The following IL15RA variants were observed in gnomAD, a reference collection of about 807,000 sequenced individuals.
IL15RA encodes interleukin 15 receptor subunit alpha.
IL15RA carries 26 observed loss-of-function variants against 24.2 expected under a neutral mutation model. That is an observed-to-expected ratio of 1.07 (90% confidence interval 0.79 to 1.49). IL15RA has a LOEUF of 1.49. Ranked by LOEUF, IL15RA falls within the 40% of genes most tolerant of loss-of-function variation. IL15RA has a pLI of 0.00. For missense variants in IL15RA, 354 were observed against 356.4 expected (o/e 0.99, Z 0.05); for synonymous variants, 166 against 157.6 (o/e 1.05, Z -0.40).
rs947434579 is a variant in IL15RA at position 5,975,247 on chromosome 10, A to G, written c.88+2158T>C. Among the ~76,000 whole-genome samples the G allele has an allele frequency of 3.3e-5, 5 of 152,246 alleles. No individual in the cohort carries two copies. The highest frequency in any genetic ancestry group is 9.6e-5 in the African/African-American group (4 of 41,476). ...AGCCATGGGTAGAATACTACTACTC[A>G]ATGGTAGAAACTAATGAACTACTTA... On this transcript the variant is annotated intron_variant, in intron 1 of 6. Coordinates refer to ENST00000379977, the MANE Select transcript of IL15RA (RefSeq NM_002189.4). This position sits in a 1 kb window ranked among gnomAD's most constrained non-coding sequence, Gnocchi z 4.8.
Position 5,953,575 on chromosome 10 carries a change from A to G in IL15RA, c.693-369T>C, listed in dbSNP as rs1834101543. Among the ~76,000 whole-genome samples, 1 of 152,168 alleles carries G rather than the reference A, an allele frequency of 6.6e-6. No individual in the cohort carries two copies. The highest frequency in any genetic ancestry group is 1.5e-5 in the Non-Finnish European group (1 of 68,020). The stretch of plus-strand genomic sequence containing the variant: ...CAACCTCCCCATCCACCAAAGACTC[A>G]CCAAGTGCTGTTGGAGCAACTTACG... On this transcript the variant is annotated intron_variant, in intron 6 of 6. Transcript: ENST00000379977. This position sits in a 1 kb window ranked among gnomAD's most constrained non-coding sequence, Gnocchi z 5.3.
Position 5,971,444 on chromosome 10 carries a change from T to G in IL15RA, c.89-5105A>C, listed in dbSNP as rs1268868911. Reference sequence around the variant, plus strand: ...CACTTCCTTATCTATCAGGTTGGTTTACAGAGTCTAATAAGAGCTGGCAGC... The same window carrying G: ...CACTTCCTTATCTATCAGGTTGGTTGACAGAGTCTAATAAGAGCTGGCAGC... On this transcript the variant is annotated intron_variant, in intron 1 of 6. Transcript: ENST00000379977. The surrounding 1 kb of genome is among the most constrained non-coding windows in gnomAD (Gnocchi z 5.5). Among the ~76,000 whole-genome samples, 2 of 152,238 alleles carry G rather than the reference T, an allele frequency of 1.3e-5. No individual in the cohort carries two copies. The highest frequency in any genetic ancestry group is 2.9e-5 in the Non-Finnish European group (2 of 68,036).
chr10:5,960,671 C>A lies in IL15RA; in HGVS notation c.383-104G>T. ...AGCTGCCATAGTGAGTCACCCTGACCAGCCCTCCCTCTCTCACAGCCAACT... is the reference window on the plus strand; with the variant it reads ...AGCTGCCATAGTGAGTCACCCTGACAAGCCCTCCCTCTCTCACAGCCAACT... On this transcript the variant is annotated intron_variant, in intron 3 of 6. Coordinates refer to ENST00000379977, the MANE Select transcript of IL15RA (RefSeq NM_002189.4). This position sits in a 1 kb window ranked among gnomAD's most constrained non-coding sequence, Gnocchi z 5.1. 1.1e-6 allele frequency: 1 copy of A among 921,328 alleles called. No individual in the cohort carries two copies. Among genetic ancestry groups the A allele is most frequent in the Non-Finnish European group, 1.7e-6 (1 of 581,250 alleles). 57.1% of individuals were successfully genotyped at this position (921,328 alleles called of 1,614,324 possible).
At chr10:5,977,282 G>A in intron 1 of IL15RA, 123 bp downstream of exon 1, 1 of 415,154 alleles carries the variant, frequency 2.4e-6, no homozygotes, top group Non-Finnish European at 4.0e-6. Flanking sequence ...TGCGCGCACC[G>A]CGCTCCCGAG....
In IL15RA at chr10:5,955,962, G is replaced by C. The variant is rs8177721; in HGVS notation, c.692+417C>G. ...GGGGTGTGTGAGAGCCGATGGCCAGGAAAGGCGTCCTTCTTGGGAGGGGGC... is the reference window on the plus strand; with the variant it reads ...GGGGTGTGTGAGAGCCGATGGCCAGCAAAGGCGTCCTTCTTGGGAGGGGGC... On this transcript the variant is annotated intron_variant, in intron 6 of 6. Coordinates refer to ENST00000379977, the MANE Select transcript of IL15RA (RefSeq NM_002189.4). This position sits in a 1 kb window ranked among gnomAD's most constrained non-coding sequence, Gnocchi z 5.3. 6.6e-6 allele frequency among the ~76,000 whole-genome samples: 1 copy of C among 152,154 alleles called. No individual in the cohort carries two copies. Among genetic ancestry groups the C allele is most frequent in the African/African-American group, 2.4e-5 (1 of 41,434 alleles).
At position 5,959,756 on chromosome 10, in the gene IL15RA, G is replaced by C; in HGVS notation, c.614C>G (p.Thr205Ser). 1 of 1,613,374 alleles carries C rather than the reference G, an allele frequency of 6.2e-7. No homozygotes were observed. The highest frequency in any genetic ancestry group is 8.5e-7 in the Non-Finnish European group (1 of 1,179,444). ...GVYPQGHSDT[T>S]VAISTSTVLL... ...ACCGGACAAAGGGACACACTTACCAGTGGTGTCGCTGTGGCCCTGTGGATA... is the reference window on the plus strand; with the variant it reads ...ACCGGACAAAGGGACACACTTACCACTGGTGTCGCTGTGGCCCTGTGGATA... The change falls in exon 5 of 7, where the codon ACT (threonine) becomes AGT (serine). Residue 205 changes from threonine (T) to serine (S), a missense_variant and splice_region_variant. Thr to Ser is a moderately conservative substitution (Grantham distance 58). Coordinates refer to ENST00000379977, the MANE Select transcript of IL15RA (RefSeq NM_002189.4). The surrounding 1 kb of genome is among the most constrained non-coding windows in gnomAD (Gnocchi z 4.1).
rs1260051585 is a variant in IL15RA at position 5,952,641 on chromosome 10, C to G, written c.*454G>C. On this transcript the variant is annotated 3_prime_UTR_variant, in exon 7 of 7. Transcript: ENST00000379977. Reference sequence around the variant, plus strand: ...GACAGGGTGGTTAGAAGCCCAAACGCTGGTGTCTTCCCTGTAGACGTCTCC... The same window carrying G: ...GACAGGGTGGTTAGAAGCCCAAACGGTGGTGTCTTCCCTGTAGACGTCTCC... The G allele has an allele frequency of 5.7e-6, 1 of 175,964 alleles. No homozygotes were observed. Among genetic ancestry groups the G allele is most frequent in the Non-Finnish European group, 1.2e-5 (1 of 82,230 alleles). 10.9% of individuals were successfully genotyped at this position (175,964 alleles called of 1,614,324 possible). A position where few individuals can be genotyped will look rare whatever the true frequency, so the allele number is the denominator to read the frequency against.
chr10:5,954,414 C>A (rs1482997627), intron 6 of IL15RA, among the ~76,000 whole-genome samples: 7 of 151,806 alleles, frequency 4.6e-5, no homozygotes, highest in Non-Finnish European at 1.0e-4. Context: ...CATGCCAATT[C>A]TTCCTAAAGA....
rs1347210557 is a variant in IL15RA at position 5,968,404 on chromosome 10, C to T, written c.89-2065G>A. 6.6e-6 allele frequency among the ~76,000 whole-genome samples: 1 copy of T among 152,184 alleles called. No individual in the cohort carries two copies. Among genetic ancestry groups the T allele is most frequent in the Non-Finnish European group, 1.5e-5 (1 of 68,032 alleles). ...TTGTTCTTTCCATTCAACTCCCATC[C>T]CAAAGCCTTCTCCTCTGTCACAGGG... On this transcript the variant is annotated intron_variant, in intron 1 of 6. Coordinates refer to ENST00000379977, the MANE Select transcript of IL15RA (RefSeq NM_002189.4). The surrounding 1 kb of genome is among the most constrained non-coding windows in gnomAD (Gnocchi z 5.4).
downstream of IL15RA, chr10:5,949,076 A>C (rs1252817794): frequency 5.4e-6 from 2 of 367,400 alleles, no homozygotes; most frequent in South Asian, 2.1e-5. The surrounding 1 kb of genome is among the most constrained non-coding windows in gnomAD (Gnocchi z 4.4). Flanking sequence ...TGGGCTTAGC[A>C]TCTCCTCCAC....
In IL15RA at chr10:5,963,002, A is replaced by G. The variant is rs1835861236; in HGVS notation, c.382+741T>C. Among the ~76,000 whole-genome samples the G allele has an allele frequency of 6.6e-6, 1 of 152,364 alleles. No individual in the cohort carries two copies. The highest frequency in any genetic ancestry group is 2.1e-4 in the South Asian group (1 of 4,828). On this transcript the variant is annotated intron_variant, in intron 3 of 6. Coordinates refer to ENST00000379977, the MANE Select transcript of IL15RA (RefSeq NM_002189.4). This position sits in a 1 kb window ranked among gnomAD's most constrained non-coding sequence, Gnocchi z 5.3. ...ACTGGCAGCTTCAGGCAGCGCCTCT[A>G]TAATAGAGCAGTCACTGGGATGTGC...
Position 5,952,615 on chromosome 10 carries a change from AGACAGG to A in IL15RA, c.*474_*479del. On this transcript the variant is annotated 3_prime_UTR_variant, in exon 7 of 7. Coordinates refer to ENST00000379977, the MANE Select transcript of IL15RA (RefSeq NM_002189.4). ...CTGTCCATGTGTGCAGAGCAGCTGGAGACAGGGTGGTTAGAAGCCCAAACGCTGGTG... is the reference window on the plus strand; with the variant it reads ...CTGTCCATGTGTGCAGAGCAGCTGGAGTGGTTAGAAGCCCAAACGCTGGTG... The A allele has an allele frequency of 5.8e-6, 1 of 170,980 alleles. No individual in the cohort carries two copies. The highest frequency in any genetic ancestry group is 5.5e-5 in the Admixed American group (1 of 18,022). The allele number at this position is 170,980 out of a possible 1,614,324, so 10.6% of individuals were successfully genotyped here.
At chr10:5,977,017 C>A (rs762358511) in intron 1 of IL15RA, 46 of 177,030 alleles carry the variant, frequency 2.6e-4, no homozygotes, top group Non-Finnish European at 5.1e-4. Context: ...ATGCAACACC[C>A]GCCCTGCAGT....
intron 1 of IL15RA, among the ~76,000 whole-genome samples, chr10:5,976,275 T>TGGGGGTGGCG (rs1838435549): frequency 3.4e-5 from 1 of 29,086 alleles, no homozygotes. Context: ...AGAGCTGGGG[T>TGGGGGTGGCG]GGGGGTGGCA....
chr10:5,971,484 A>G lies in IL15RA; in HGVS notation c.89-5145T>C, dbSNP rs1837599965. Among the ~76,000 whole-genome samples, 1 of 152,222 alleles carries G rather than the reference A, an allele frequency of 6.6e-6. No homozygotes were observed. Among genetic ancestry groups the G allele is most frequent in the African/African-American group, 2.4e-5 (1 of 41,454 alleles). The stretch of plus-strand genomic sequence containing the variant: ...GAGCTGGCAGCCTCGGCCTGGTTCC[A>G]TATCCAGAGTTCAGAGGTTGTCGGG... On this transcript the variant is annotated intron_variant, in intron 1 of 6. Transcript: ENST00000379977. This position sits in a 1 kb window ranked among gnomAD's most constrained non-coding sequence, Gnocchi z 5.5.
At position 5,959,643 on chromosome 10, in the gene IL15RA, G is replaced by A; in HGVS notation, c.616+111C>T. ...GATGGAGGCCTTCTGAGTGTGGAAG[G>A]GGCTGCTGTCAGGGCTGTGCTGGGG... On this transcript the variant is annotated intron_variant, in intron 5 of 6. Coordinates refer to ENST00000379977, the MANE Select transcript of IL15RA (RefSeq NM_002189.4). The surrounding 1 kb of genome is among the most constrained non-coding windows in gnomAD (Gnocchi z 4.1). The A allele has an allele frequency of 1.2e-6, 1 of 862,330 alleles. No homozygotes were observed. The highest frequency in any genetic ancestry group is 1.4e-5 in the South Asian group (1 of 73,998). 53.4% of individuals were successfully genotyped at this position (862,330 alleles called of 1,614,324 possible).
At chr10:5,969,453 G>A (rs8177776) in intron 1 of IL15RA, among the ~76,000 whole-genome samples, 5,750 of 152,150 alleles carry the variant, frequency 0.038, 116 homozygotes, top group Middle Eastern at 0.058. Context: ...GCTCACTGCA[G>A]CCTCAGCTGC....
chr10:5,973,348 C>T lies in IL15RA; in HGVS notation c.88+4057G>A, dbSNP rs1837915993. 6.6e-6 allele frequency among the ~76,000 whole-genome samples: 1 copy of T among 152,198 alleles called. No individual in the cohort carries two copies. The highest frequency in any genetic ancestry group is 1.5e-5 in the Non-Finnish European group (1 of 68,028). Reference sequence around the variant, plus strand: ...GTAGTTTTCCATATATGAAAGATGTCTTTCACATCTTTTGTTAGATTTATC... The same window carrying T: ...GTAGTTTTCCATATATGAAAGATGTTTTTCACATCTTTTGTTAGATTTATC... On this transcript the variant is annotated intron_variant, in intron 1 of 6. Coordinates refer to ENST00000379977, the MANE Select transcript of IL15RA (RefSeq NM_002189.4). The surrounding 1 kb of genome is among the most constrained non-coding windows in gnomAD (Gnocchi z 4.5).
chr10:5,951,296 C>G (rs994348343), downstream of IL15RA, among the ~76,000 whole-genome samples: 1 of 152,128 alleles, frequency 6.6e-6, no homozygotes, highest in Non-Finnish European at 1.5e-5. Context: ...GCACTCCAGC[C>G]TGGGTGACAC....
Sources: gnomAD v4.1 joint callset for allele counts (sites outside exome capture counted in the v4.1 genomes callset) on GRCh38, gnomAD v4.1.1 for gene constraint, Gnocchi (gnomAD v3.1) non-coding constraint, MANE v1.5 for transcripts, NCBI Gene and HGNC (gene_info 2026-07-23, HGNC 2026-07-21) for gene names.